The following DMXL1 variants were observed in gnomAD, a reference collection of about 807,000 sequenced individuals.
The protein encoded by DMXL1 is dmX-like protein 1.
In DMXL1, 99 loss-of-function variants were observed where a neutral mutation model predicts 319.2. That is an observed-to-expected ratio of 0.31 (90% CI 0.26 to 0.37). The LOEUF is 0.37. DMXL1 is among the 10% of genes least tolerant of loss of function. The probability of loss-of-function intolerance (pLI) is 1.00; values close to 1 mark genes in which losing one functional copy is unlikely to be tolerated. For missense variants in DMXL1, 3,745 were observed against 3,595.6 expected, an observed-to-expected ratio of 1.04 and a Z score of -1.06; for synonymous variants, 1,385 against 1,235.2, an observed-to-expected ratio of 1.12 and a Z score of -2.54.
intron 1 of DMXL1, among the ~76,000 whole-genome samples, chr5:119,083,742 G>A (rs987053168): frequency 6.6e-6 from 1 of 150,626 alleles, no homozygotes; most frequent in Non-Finnish European, 1.5e-5. Context: ...GGTTTTATGT[G>A]AGACAGGCTG....
chr5:119,101,179 C>A (rs1236001289), intron 2 of DMXL1, among the ~76,000 whole-genome samples: 1 of 152,190 alleles, frequency 6.6e-6, no homozygotes, highest in African/African-American at 2.4e-5. Context: ...AACACTTCCT[C>A]CAGATCAATG....
chr5:119,110,090 C>T (rs1759243792), intron 4 of DMXL1, 61 bp from the exon 5 acceptor site: 1 of 1,402,860 alleles, frequency 7.1e-7, no homozygotes, highest in Non-Finnish European at 9.6e-7. Flanking sequence ...AATTCTTGAG[C>T]ATGTAAATTA....
In DMXL1 at chr5:119,114,457, T is replaced by G; in HGVS notation, c.498-18T>G. On this transcript the variant is annotated intron_variant, in intron 5 of 43. Transcript: ENST00000539542. ...TTAGTTTTCATTGCAAATTATTCCTTATCTGTTTAATTTACAGAACTGCTT... is the reference window on the plus strand; with the variant it reads ...TTAGTTTTCATTGCAAATTATTCCTGATCTGTTTAATTTACAGAACTGCTT... 2 of 1,552,686 alleles carry G rather than the reference T, an allele frequency of 1.3e-6. No individual in the cohort carries two copies. The highest frequency in any genetic ancestry group is 1.8e-6 in the Non-Finnish European group (2 of 1,137,436).
chr5:119,200,744 C>A (rs1027491265), intron 32 of DMXL1, among the ~76,000 whole-genome samples: 8 of 152,086 alleles, frequency 5.3e-5, no homozygotes, highest in African/African-American at 1.9e-4. Flanking sequence ...TATCTGATTT[C>A]TTTGCACAGT....
intron 34 of DMXL1, among the ~76,000 whole-genome samples, chr5:119,209,400 G>T (rs373707488): frequency 1.3e-5 from 2 of 151,422 alleles, no homozygotes; most frequent in East Asian, 3.9e-4. Flanking sequence ...TCCCAGGCTG[G>T]GTGTAGTGGT....
At chr5:119,121,424 T>C (rs1762023164) in intron 9 of DMXL1, among the ~76,000 whole-genome samples, 1 of 152,062 alleles carries the variant, frequency 6.6e-6, no homozygotes, top group Non-Finnish European at 1.5e-5. Flanking sequence ...CAGAGGACCC[T>C]GCGGCCTTCC....
chr5:119,211,906 C>A (rs1441337066), intron 34 of DMXL1, among the ~76,000 whole-genome samples: 2 of 152,156 alleles, frequency 1.3e-5, no homozygotes, highest in Non-Finnish European at 2.9e-5. Flanking sequence ...TAATTTTAAA[C>A]CTGTTGCTTC....
At chr5:119,094,033 C>G (rs1755384917) in intron 1 of DMXL1, among the ~76,000 whole-genome samples, 2 of 152,224 alleles carry the variant, frequency 1.3e-5, no homozygotes, top group Admixed American at 1.3e-4. Context: ...CAAGGTAAAG[C>G]AGCAAGCGCT....
intron 9 of DMXL1, among the ~76,000 whole-genome samples, chr5:119,122,208 C>T (rs1260174331): frequency 4.6e-4 from 57 of 123,716 alleles, no homozygotes; most frequent in Middle Eastern, 6.7e-3. Flanking sequence ...CCAGTAGGGG[C>T]GGCCGGGCAG....
In DMXL1 at chr5:119,071,414, C is replaced by T. The variant is rs992888907; in HGVS notation, c.-156C>T. 5 of 722,876 alleles carry T rather than the reference C, an allele frequency of 6.9e-6. No homozygotes were observed. The highest frequency in any genetic ancestry group is 6.0e-5 in the East Asian group (2 of 33,424). The allele number at this position is 722,876 out of a possible 1,614,324, so 44.8% of individuals were successfully genotyped here. A position where few individuals can be genotyped will look rare whatever the true frequency, so the allele number is the denominator to read the frequency against. On this transcript the variant is annotated 5_prime_UTR_variant, in exon 1 of 44. Coordinates refer to ENST00000539542, the MANE Select transcript of DMXL1 (RefSeq NM_001290321.3). ...TCCGGGGCTCGGGATGAGTCGCGGG[C>T]CCCAGCTGAGCGGCTCCGGCTCCAG... is the stretch of plus-strand genomic sequence containing the variant.
chr5:119,116,053 A>T (rs902669801), intron 6 of DMXL1, 105 bp from the exon 7 acceptor site: 3 of 1,035,584 alleles, frequency 2.9e-6, no homozygotes, highest in Non-Finnish European at 4.1e-6. Flanking sequence ...GTCTCTTCCC[A>T]TCCCCAAGTT....
intron 18 of DMXL1, among the ~76,000 whole-genome samples, chr5:119,150,854 A>T (rs558603205): frequency 5.9e-5 from 9 of 151,840 alleles, no homozygotes; most frequent in Non-Finnish European, 1.3e-4. Flanking sequence ...AACAGTTTTA[A>T]CTTTTTTTCC....
chr5:119,202,655 C>G (rs2150448818), intron 32 of DMXL1, among the ~76,000 whole-genome samples: 1 of 151,816 alleles, frequency 6.6e-6, no homozygotes, highest in Non-Finnish European at 1.5e-5. Flanking sequence ...AGTTCAAGAC[C>G]AGCCTGCCAA....
rs972116979 is a variant in DMXL1, at chr5:119,181,311, G to T, written c.7135+3067G>T. ...CTTAAAACGTATTGTTCACTTAGTG[G>T]TAGGGCTGGATATAGTCATATCCAG... is the stretch of plus-strand genomic sequence containing the variant. On this transcript the variant is annotated intron_variant, in intron 28 of 43. Coordinates refer to ENST00000539542, the MANE Select transcript of DMXL1 (RefSeq NM_001290321.3). Among the ~76,000 whole-genome samples the T allele has an allele frequency of 3.9e-5, 6 of 152,130 alleles. 1 individual carries two copies. The South Asian group carries it at 1.2e-3, about 31-fold the overall frequency.
At chr5:119,103,824 T>C (rs1051332214) in intron 3 of DMXL1, among the ~76,000 whole-genome samples, 2 of 152,180 alleles carry the variant, frequency 1.3e-5, no homozygotes, top group African/African-American at 4.8e-5. Context: ...CAGTATGTTA[T>C]GTTAAAATGC....
At chr5:119,199,167 TG>T (rs1780213411) in intron 32 of DMXL1, among the ~76,000 whole-genome samples, 2 of 152,130 alleles carry the variant, frequency 1.3e-5, no homozygotes, top group South Asian at 4.1e-4. Flanking sequence ...GGATTTTAGC[TG>T]TGAGCCACCA....
At position 119,147,072 on chromosome 5, in the gene DMXL1, C is replaced by T. The variant is rs887114274; in HGVS notation, c.2689+116C>T. ...AGCCATTCTCATTAAATGGTGATAA[C>T]TGTAGATTATTCAATTAATTCAAAA... On this transcript the variant is annotated intron_variant, in intron 16 of 43. Transcript: ENST00000539542. The T allele has an allele frequency of 5.9e-5, 73 of 1,232,140 alleles. No homozygotes were observed. The South Asian group carries it at 6.1e-4, about 10-fold the overall frequency. The allele number at this position is 1,232,140 out of a possible 1,614,324, so 76.3% of individuals were successfully genotyped here. A position where few individuals can be genotyped will look rare whatever the true frequency, so the allele number is the denominator to read the frequency against.
intron 1 of DMXL1, among the ~76,000 whole-genome samples, chr5:119,074,168 C>T (rs538062436): frequency 6.6e-6 from 1 of 152,380 alleles, no homozygotes; most frequent in Non-Finnish European, 1.5e-5. Context: ...ATCCACCAGT[C>T]TTGGCCTCCC....
chr5:119,228,564 C>G (rs144901092), intron 38 of DMXL1, among the ~76,000 whole-genome samples: 1,583 of 152,250 alleles, frequency 0.01, 28 homozygotes, highest in African/African-American at 0.035. Flanking sequence ...GAAGGTATCA[C>G]CGTTATTTGA....
Sources: allele counts gnomAD v4.1 joint callset (sites outside exome capture counted in the v4.1 genomes callset), GRCh38; gene constraint gnomAD v4.1.1; transcripts MANE v1.5; gene names NCBI Gene and HGNC (gene_info 2026-07-23, HGNC 2026-07-21).